C2orf76: variants seen among roughly 807,000 people sequenced by gnomAD.
C2orf76 encodes the protein UPF0538 protein C2orf76.
Under a neutral mutation model 16.9 loss-of-function variants are expected in C2orf76, and 23 were observed. That is an observed-to-expected ratio of 1.36 (90% CI 0.98 to 1.93). The LOEUF (loss-of-function observed/expected upper bound fraction) is 1.93, where lower values mean the gene tolerates loss of function less well. Ranked by LOEUF, C2orf76 falls within the 30% of genes most tolerant of loss-of-function variation. C2orf76 has a pLI of 0.00. For synonymous variants in C2orf76, 48 were observed against 52.3 expected (o/e 0.92, Z 0.35); for missense variants, 152 against 152.6 (o/e 1.00, Z 0.02).
At chr2:119,306,603 G>GA (rs1222348943) in intron 5 of C2orf76, among the ~76,000 whole-genome samples, 1 of 151,452 alleles carries the variant, frequency 6.6e-6, no homozygotes, top group Non-Finnish European at 1.5e-5. Context: ...GTAGCAAAAT[G>GA]AAAGAGAGAA....
At chr2:119,367,111 G>A (rs748296210), upstream of C2orf76, 9 of 1,610,724 alleles carry the variant, frequency 5.6e-6, no homozygotes, top group East Asian at 1.6e-4. Flanking sequence ...CGGGAGGCCC[G>A]TTGGGGGCTC....
chr2:119,295,083 A>G, the C2orf76 span, among the ~76,000 whole-genome samples: 1 of 152,194 alleles, frequency 6.6e-6, no homozygotes, highest in Non-Finnish European at 1.5e-5. Context: ...ACTAGGGTGC[A>G]GTTATTAATG....
intron 1 of C2orf76, among the ~76,000 whole-genome samples, chr2:119,352,154 G>T (rs74432982): frequency 2.6e-5 from 4 of 152,162 alleles, no homozygotes; most frequent in Non-Finnish European, 4.4e-5. Context: ...CATGCCACAC[G>T]CAGGTTTCCA....
intron 5 of C2orf76, among the ~76,000 whole-genome samples, chr2:119,308,902 G>A (rs745417684): frequency 2.0e-5 from 3 of 152,124 alleles, no homozygotes; most frequent in African/African-American, 4.8e-5. Flanking sequence ...ATTCATTCCC[G>A]ACGGTGGTAT....
intron 1 of C2orf76, among the ~76,000 whole-genome samples, chr2:119,344,944 T>C (rs1680151674): frequency 6.6e-6 from 1 of 152,146 alleles, no homozygotes. Context: ...ATAAATGGCA[T>C]TGAGAAAACT....
intron 1 of C2orf76, among the ~76,000 whole-genome samples, chr2:119,341,953 A>G (rs1257838414): frequency 1.3e-5 from 2 of 152,224 alleles, no homozygotes; most frequent in Non-Finnish European, 2.9e-5. Context: ...GGCGATCTTT[A>G]GTAAAACTGA....
chr2:119,315,193 T>A (rs1320328820), intron 4 of C2orf76, among the ~76,000 whole-genome samples: 1 of 149,912 alleles, frequency 6.7e-6, no homozygotes, highest in Admixed American at 6.7e-5. Flanking sequence ...CACACACACA[T>A]ACACACACAC....
chr2:119,348,046 C>CA (rs1205382710), intron 1 of C2orf76, among the ~76,000 whole-genome samples: 4,189 of 81,438 alleles, frequency 0.051, 201 homozygotes, highest in African/African-American at 0.14. Flanking sequence ...GGCTCTGTCT[C>CA]AAAAAAAAAA....
At chr2:119,321,332 A>G (rs1456037329) in intron 2 of C2orf76, 128 bp from the exon 3 acceptor site, 2 of 573,024 alleles carry the variant, frequency 3.5e-6, no homozygotes, top group Non-Finnish European at 6.2e-6. Context: ...AGAACACAGA[A>G]TAAATACATC....
intron 4 of C2orf76, 45 bp from the exon 5 acceptor site, chr2:119,311,748 G>A: frequency 6.5e-7 from 1 of 1,533,378 alleles, no homozygotes; most frequent in Non-Finnish European, 8.8e-7. Flanking sequence ...TACTTACATG[G>A]GTTTGTTTGG....
intron 1 of C2orf76, among the ~76,000 whole-genome samples, chr2:119,351,589 A>G (rs1352757440): frequency 6.6e-6 from 1 of 151,752 alleles, no homozygotes; most frequent in Non-Finnish European, 1.5e-5. Flanking sequence ...TGTCTCTACA[A>G]AAAAAAATAC....
chr2:119,335,352 A>T (rs1001503155), intron 2 of C2orf76, among the ~76,000 whole-genome samples: 1 of 152,198 alleles, frequency 6.6e-6, no homozygotes, highest in African/African-American at 2.4e-5. Context: ...ACTAAAAAAG[A>T]ACTGAGACTC....
At chr2:119,338,746 A>T (rs771605358) in intron 2 of C2orf76, 1 of 152,278 alleles carries the variant, frequency 6.6e-6, no homozygotes, top group Non-Finnish European at 1.5e-5. Flanking sequence ...AAGACAAGGG[A>T]TCCACGCACC....
At chr2:119,309,308 T>A (rs1181309675) in intron 5 of C2orf76, among the ~76,000 whole-genome samples, 1 of 152,188 alleles carries the variant, frequency 6.6e-6, no homozygotes, top group Non-Finnish European at 1.5e-5. Flanking sequence ...TGTGAGTTAT[T>A]TCTTCTATCA....
chr2:119,293,727 G>A, the C2orf76 span, among the ~76,000 whole-genome samples: 2 of 152,182 alleles, frequency 1.3e-5, no homozygotes, highest in African/African-American at 2.4e-5. Flanking sequence ...TACTCTGAAC[G>A]CCCGTGGAGC....
At chr2:119,304,811 G>C (rs1350172172) in intron 5 of C2orf76, among the ~76,000 whole-genome samples, 1 of 152,204 alleles carries the variant, frequency 6.6e-6, no homozygotes, top group East Asian at 1.9e-4. Context: ...AAATGTTTCA[G>C]AGAATGATTT....
chr2:119,336,993 T>C (rs1354754502), intron 2 of C2orf76, among the ~76,000 whole-genome samples: 1 of 152,240 alleles, frequency 6.6e-6, no homozygotes, highest in Non-Finnish European at 1.5e-5. Flanking sequence ...CATGCCTGGG[T>C]TGATTTGCAG....
upstream of C2orf76, chr2:119,367,051 G>A: frequency 1.2e-6 from 2 of 1,614,120 alleles, no homozygotes; most frequent in South Asian, 1.1e-5. Flanking sequence ...AGTCGGCCAG[G>A]ATGTCTCAGG....
chr2:119,343,693 G>C (rs938575280), intron 1 of C2orf76, among the ~76,000 whole-genome samples: 1 of 152,184 alleles, frequency 6.6e-6, no homozygotes, highest in Non-Finnish European at 1.5e-5. Context: ...AGCTACTCGG[G>C]AGACTGAGGC....
Sources: gnomAD v4.1 joint callset for allele counts (sites outside exome capture counted in the v4.1 genomes callset) on GRCh38, gnomAD v4.1.1 for gene constraint, MANE v1.5 for transcripts, NCBI Gene and HGNC (gene_info 2026-07-23, HGNC 2026-07-21) for gene names.